Variants in GNPTAB observed in about 807,000 individuals in gnomAD.
GNPTAB encodes N-acetylglucosamine-1-phosphate transferase subunits alpha and beta.
In GNPTAB, 92 loss-of-function variants were observed where a neutral mutation model predicts 136.6. The ratio of observed to expected loss-of-function variants is 0.67; its 90% CI spans 0.57 to 0.80. The LOEUF is 0.80. Ranked by LOEUF, GNPTAB falls within the 30% of genes least tolerant of loss-of-function variation. The pLI is 0.00. For missense variants in GNPTAB, 1,343 were observed against 1,501.8 expected (o/e 0.89, Z 1.75); for synonymous variants, 512 against 535.1 (o/e 0.96, Z 0.60).
chr12:101,767,345 G>A (rs1254943827), intron 11 of GNPTAB, among the ~76,000 whole-genome samples: 2 of 152,186 alleles, frequency 1.3e-5, no homozygotes, highest in Non-Finnish European at 1.5e-5. Flanking sequence ...GAGGGAGAGG[G>A]AAGAGCTGCT....
chr12:101,768,193 T>A, intron 10 of GNPTAB, 33 bp from the exon 11 acceptor site: 5 of 1,610,040 alleles, frequency 3.1e-6, no homozygotes, highest in Non-Finnish European at 4.3e-6. Flanking sequence ...ATAAAATGAC[T>A]TCTGGCTTCT....
In GNPTAB at chr12:101,749,112, A is replaced by G. The variant is rs1408973492; in HGVS notation, c.3682T>C (p.Phe1228Leu). The G allele has an allele frequency of 1.9e-6, 3 of 1,603,658 alleles. No individual in the cohort carries two copies. The highest frequency in any genetic ancestry group is 2.6e-6 in the Non-Finnish European group (3 of 1,170,698). Residue 1228 changes from phenylalanine to leucine, a missense_variant, in exon 20 of 21, where the codon TTT becomes CTT. Transcript: ENST00000299314. ...TLIMFTIFSF[F>L]AEQLIALKRK... ...TATATAAAACTTACCTGCTCAGCAA[A>G]AAATGAGAATATAGTAAACATAATC...
intron 1 of GNPTAB, among the ~76,000 whole-genome samples, chr12:101,821,855 G>T (rs1489436969): frequency 6.6e-6 from 1 of 152,120 alleles, no homozygotes; most frequent in Non-Finnish European, 1.5e-5. Context: ...GCTGGAATCA[G>T]CCCACCCTCC....
At chr12:101,749,562 T>A (rs1400495991) in intron 19 of GNPTAB, among the ~76,000 whole-genome samples, 1 of 152,250 alleles carries the variant, frequency 6.6e-6, no homozygotes, top group Non-Finnish European at 1.5e-5. Context: ...ATGAAGTCCC[T>A]GCTTTTAAGT....
chr12:101,788,038 G>C (rs73163790), intron 4 of GNPTAB, among the ~76,000 whole-genome samples: 2 of 152,010 alleles, frequency 1.3e-5, no homozygotes, highest in African/African-American at 2.4e-5. Context: ...GCTTGTCAGT[G>C]AGACAGTCTT....
intron 7 of GNPTAB, among the ~76,000 whole-genome samples, chr12:101,776,981 C>T (rs1003385899): frequency 3.3e-5 from 5 of 152,318 alleles, no homozygotes; most frequent in Admixed American, 3.3e-4. Flanking sequence ...GCGACGTACA[C>T]CCCTAATGCA....
intron 5 of GNPTAB, among the ~76,000 whole-genome samples, chr12:101,781,862 G>A (rs1358091476): frequency 2.0e-5 from 3 of 152,066 alleles, no homozygotes; most frequent in South Asian, 2.1e-4. Context: ...AACAGACCTG[G>A]TATATGTATT....
chr12:101,768,194 T>G, intron 10 of GNPTAB, 34 bp from the exon 11 acceptor site: 1 of 1,609,430 alleles, frequency 6.2e-7, no homozygotes, highest in Non-Finnish European at 8.5e-7. Flanking sequence ...TAAAATGACT[T>G]CTGGCTTCTG....
intron 3 of GNPTAB, 100 bp downstream of exon 3, chr12:101,789,838 G>C: frequency 8.5e-7 from 1 of 1,172,796 alleles, no homozygotes; most frequent in Non-Finnish European, 1.3e-6. Flanking sequence ...TCATTAGCAT[G>C]ATGACTGGGT....
chr12:101,749,253 G>A (rs1952781431), intron 19 of GNPTAB, 62 bp from the exon 20 acceptor site: 1 of 941,646 alleles, frequency 1.1e-6, no homozygotes, highest in Non-Finnish European at 1.8e-6. Flanking sequence ...CATTAGTTAA[G>A]CATTATTTAT....
At chr12:101,771,494 T>C (rs1953176028) in intron 7 of GNPTAB, among the ~76,000 whole-genome samples, 1 of 152,228 alleles carries the variant, frequency 6.6e-6, no homozygotes, top group Non-Finnish European at 1.5e-5. Context: ...TCCACCTGCC[T>C]TGGCCTCCCA....
At chr12:101,829,851 C>G (rs543621348) in intron 1 of GNPTAB, among the ~76,000 whole-genome samples, 1 of 152,084 alleles carries the variant, frequency 6.6e-6, no homozygotes, top group East Asian at 1.9e-4. Flanking sequence ...CAGTACCTGG[C>G]ACTGTGCTTG....
chr12:101,781,032 A>G (rs1371298021), intron 5 of GNPTAB, among the ~76,000 whole-genome samples: 1 of 152,196 alleles, frequency 6.6e-6, no homozygotes, highest in Admixed American at 6.5e-5. Flanking sequence ...GCCCTTGAAC[A>G]CCAGGCAGTG....
intron 1 of GNPTAB, among the ~76,000 whole-genome samples, chr12:101,801,196 C>T (rs939439277): frequency 7.0e-5 from 9 of 128,806 alleles, no homozygotes; most frequent in African/African-American, 2.3e-4. Flanking sequence ...TGCATCACTG[C>T]ACTCCAGCCT....
At chr12:101,792,192 G>T (rs1354712360) in intron 2 of GNPTAB, among the ~76,000 whole-genome samples, 3 of 152,156 alleles carry the variant, frequency 2.0e-5, no homozygotes, top group African/African-American at 7.2e-5. Flanking sequence ...CAGCCAGGTG[G>T]GTAACTGAGA....
At chr12:101,770,310 G>T in intron 9 of GNPTAB, 96 bp downstream of exon 9, 1 of 1,360,688 alleles carries the variant, frequency 7.3e-7, no homozygotes, top group Non-Finnish European at 1.1e-6. Context: ...AATGGAGGTA[G>T]AAGGGTAAAG....
intron 1 of GNPTAB, among the ~76,000 whole-genome samples, chr12:101,809,178 T>C (rs74648645): frequency 0.015 from 2,343 of 152,252 alleles, 30 homozygotes; most frequent in Non-Finnish European, 0.024. Context: ...AACAAGTATA[T>C]AAAATGATGC....
intron 2 of GNPTAB, 58 bp from the exon 3 acceptor site, chr12:101,790,115 TAAG>T: frequency 6.2e-7 from 1 of 1,611,684 alleles, no homozygotes; most frequent in East Asian, 2.2e-5. Context: ...TATTTGGTAA[TAAG>T]AATATCACAG....
In GNPTAB at chr12:101,765,245, G is replaced by C. The variant is rs1470903435; in HGVS notation, c.1672C>G (p.Pro558Ala). The change falls in exon 13 of 21, where the codon CCA becomes GCA. Residue 558 changes from proline to alanine, a missense_variant. Pro to Ala is a conservative substitution (Grantham distance 27). Transcript: ENST00000299314. Reference protein sequence around the residue: ...LLPNQTHYIIPKGECLPYFSF... With the variant: ...LLPNQTHYIIAKGECLPYFSF... ...AAATAAGGCAGGCATTCACCTTTTG[G>C]AATAATATAGTGAGTCTGGTTTGGG... 1 of 1,613,790 alleles carries C rather than the reference G, an allele frequency of 6.2e-7. No individual in the cohort carries two copies. Among genetic ancestry groups the C allele is most frequent in the Admixed American group, 1.7e-5 (1 of 59,998 alleles).
Sources: gnomAD v4.1 joint callset for allele counts (sites outside exome capture counted in the v4.1 genomes callset) on GRCh38, gnomAD v4.1.1 for gene constraint, MANE v1.5 for transcripts, NCBI Gene and HGNC (gene_info 2026-07-23, HGNC 2026-07-21) for gene names.